DCAF6: variants seen among roughly 807,000 people sequenced by gnomAD.
DCAF6 encodes the protein DDB1 and CUL4 associated factor 6.
DCAF6 carries 54 observed loss-of-function variants against 125.1 expected under a neutral mutation model. The ratio of observed to expected loss-of-function variants is 0.43; its 90% CI spans 0.35 to 0.54. DCAF6 has a LOEUF of 0.54. DCAF6 is among the 20% of genes least tolerant of loss of function. The probability of loss-of-function intolerance (pLI) is 0.01; values close to 1 mark genes in which losing one functional copy is unlikely to be tolerated. For synonymous variants in DCAF6, 371 were observed against 390.4 expected, an observed-to-expected ratio of 0.95 and a Z score of 0.58; for missense variants, 934 against 1,161.7, an observed-to-expected ratio of 0.80 and a Z score of 2.85.
At chr1:167,880,711 G>A in the DCAF6 span, 6 of 818,082 alleles carry the variant, frequency 7.3e-6, no homozygotes, top group East Asian at 1.5e-4. Flanking sequence ...TTTGGCTTCT[G>A]AATCAGATTT....
the DCAF6 span, among the ~76,000 whole-genome samples, chr1:167,906,369 A>G: frequency 6.6e-6 from 1 of 152,110 alleles, no homozygotes; most frequent in Non-Finnish European, 1.5e-5. Flanking sequence ...AAGGTTTAAA[A>G]AAAAAAAGGG....
At chr1:168,019,894 CAGAT>C (rs1685472001) in intron 11 of DCAF6, 1 of 158,084 alleles carries the variant, frequency 6.3e-6, no homozygotes, top group South Asian at 1.8e-4. Flanking sequence ...CAGCACTTCT[CAGAT>C]GGATGCATTG....
chr1:168,042,402 C>G (rs930601571), intron 13 of DCAF6, among the ~76,000 whole-genome samples: 1 of 151,896 alleles, frequency 6.6e-6, no homozygotes, highest in East Asian at 1.9e-4. Flanking sequence ...AAATTGGCCT[C>G]GTATTCCGCT....
At chr1:168,010,995 T>A (rs1182262630) in intron 10 of DCAF6, among the ~76,000 whole-genome samples, 1 of 152,118 alleles carries the variant, frequency 6.6e-6, no homozygotes, top group East Asian at 1.9e-4. Flanking sequence ...AACTTTGAAG[T>A]GGATGGGGAT....
chr1:167,886,046 G>C, the DCAF6 span, among the ~76,000 whole-genome samples: 2 of 152,148 alleles, frequency 1.3e-5, no homozygotes, highest in Admixed American at 1.3e-4. Flanking sequence ...CGAAGTAAAA[G>C]AGGACACAAA....
At chr1:168,068,322 T>C in intron 20 of DCAF6, 36 bp from the exon 21 acceptor site, 6 of 1,467,192 alleles carry the variant, frequency 4.1e-6, no homozygotes, top group Non-Finnish European at 5.7e-6. Context: ...ACAGTTACTT[T>C]ATGATCTTTG....
chr1:167,969,024 A>G (rs968150712), intron 3 of DCAF6, among the ~76,000 whole-genome samples: 1 of 152,170 alleles, frequency 6.6e-6, no homozygotes, highest in Admixed American at 6.5e-5. Flanking sequence ...TGATTACTAT[A>G]ATGGCAAATA....
At chr1:168,037,255 A>G (rs1288077170) in intron 12 of DCAF6, among the ~76,000 whole-genome samples, 2 of 152,058 alleles carry the variant, frequency 1.3e-5, no homozygotes, top group Non-Finnish European at 2.9e-5. Flanking sequence ...TAAGTCCTTC[A>G]TTGCAATAGA....
At chr1:168,075,303 T>A (rs1038864031) in intron 21 of DCAF6, 68 bp from the exon 22 acceptor site, 1 of 1,430,304 alleles carries the variant, frequency 7.0e-7, no homozygotes, top group Non-Finnish European at 9.5e-7. Context: ...TAAAAGGCAT[T>A]GAAAAATATT....
At chr1:167,925,354 G>A in the DCAF6 span, among the ~76,000 whole-genome samples, 1 of 149,368 alleles carries the variant, frequency 6.7e-6, no homozygotes, top group Admixed American at 6.7e-5. Flanking sequence ...AGGAAAGTTA[G>A]CCAGTAGAGT....
the DCAF6 span, among the ~76,000 whole-genome samples, chr1:167,899,081 T>C: frequency 6.6e-6 from 1 of 152,168 alleles, no homozygotes; most frequent in South Asian, 2.1e-4. Context: ...TGAGGGTCAA[T>C]GACAGCCTTT....
At chr1:167,878,319 G>T in the DCAF6 span, 1 of 1,046,072 alleles carries the variant, frequency 9.6e-7, no homozygotes, top group Non-Finnish European at 1.4e-6. Context: ...CTGGGCCTTG[G>T]TCTGGGGAAA....
the DCAF6 span, among the ~76,000 whole-genome samples, chr1:167,888,773 G>A: frequency 1.3e-4 from 19 of 148,180 alleles, no homozygotes; most frequent in African/African-American, 4.5e-4. Flanking sequence ...CTACTCAGGA[G>A]GCTGAGGCAG....
At chr1:167,953,750 C>T (rs1168905207) in intron 2 of DCAF6, among the ~76,000 whole-genome samples, 2 of 152,054 alleles carry the variant, frequency 1.3e-5, no homozygotes, top group Non-Finnish European at 2.9e-5. Context: ...AGGCACCCAC[C>T]ACCACACCTG....
At chr1:167,913,614 A>G in the DCAF6 span, among the ~76,000 whole-genome samples, 1 of 152,224 alleles carries the variant, frequency 6.6e-6, no homozygotes, top group African/African-American at 2.4e-5. Context: ...GTTTGGAACC[A>G]TCTTCTACAT....
chr1:167,908,409 T>G, the DCAF6 span, among the ~76,000 whole-genome samples: 69,617 of 151,800 alleles, frequency 0.46, 18,289 homozygotes, highest in African/African-American at 0.72. Flanking sequence ...GTTGGGTGGG[T>G]GGAATGAGAT....
the DCAF6 span, chr1:167,920,713 T>C: frequency 7.2e-7 from 1 of 1,380,714 alleles, no homozygotes. Flanking sequence ...ACAAGACATT[T>C]TTGAGATTTC....
intron 13 of DCAF6, among the ~76,000 whole-genome samples, chr1:168,038,720 T>G (rs1688137252): frequency 6.6e-6 from 1 of 152,028 alleles, no homozygotes; most frequent in African/African-American, 2.4e-5. Context: ...TTAAAAACTT[T>G]CCAGATGATG....
the DCAF6 span, among the ~76,000 whole-genome samples, chr1:167,921,729 T>TA: frequency 1.6e-4 from 24 of 152,154 alleles, no homozygotes; most frequent in Admixed American, 1.3e-3. Context: ...TGTTTTTTTT[T>TA]AAAAAAACTA....
Sources: gnomAD v4.1 joint callset for allele counts (sites outside exome capture counted in the v4.1 genomes callset) on GRCh38, gnomAD v4.1.1 for gene constraint, MANE v1.5 for transcripts, NCBI Gene and HGNC (gene_info 2026-07-23, HGNC 2026-07-21) for gene names.